The following SCUBE2 variants were observed in gnomAD, a reference collection of about 807,000 sequenced individuals.
SCUBE2 encodes the protein signal peptide, CUB and EGF-like domain-containing protein 2.
Under a neutral mutation model 125.9 loss-of-function variants are expected in SCUBE2, and 114 were observed. That is an observed-to-expected ratio of 0.91 (90% CI 0.78 to 1.06). The LOEUF (loss-of-function observed/expected upper bound fraction) is 1.06. Among genes scored for constraint, SCUBE2 ranks in the 50% least tolerant of loss-of-function variants. The pLI is 0.00. For synonymous variants in SCUBE2, 459 were observed against 492.9 expected, an observed-to-expected ratio of 0.93 and a Z score of 0.91; for missense variants, 1,255 against 1,301.8, an observed-to-expected ratio of 0.96 and a Z score of 0.55.
chr11:9,069,591 G>A, intron 4 of SCUBE2, 96 bp from the exon 5 acceptor site: 4 of 1,471,782 alleles, frequency 2.7e-6, no homozygotes, highest in Non-Finnish European at 3.7e-6. Context: ...CCACAGATCT[G>A]TCTGCTTAGG....
intron 21 of SCUBE2, among the ~76,000 whole-genome samples, chr11:9,023,809 G>C (rs1416195457): frequency 6.6e-6 from 1 of 152,138 alleles, no homozygotes; most frequent in African/African-American, 2.4e-5. Flanking sequence ...TGTGAGGAAA[G>C]CACCATGTAA....
intron 10 of SCUBE2, among the ~76,000 whole-genome samples, chr11:9,054,185 T>G (rs574907381): frequency 1.8e-4 from 28 of 152,012 alleles, no homozygotes; most frequent in African/African-American, 6.3e-4. Context: ...TTAGTAGAGA[T>G]GGGGTTTCAC....
chr11:9,031,249 G>A, intron 17 of SCUBE2: 1 of 194,108 alleles, frequency 5.2e-6, no homozygotes, highest in Non-Finnish European at 1.0e-5. Flanking sequence ...CCCCTGCAAT[G>A]CAGGAGAGAG....
At chr11:9,067,387 C>T (rs1860354167) in intron 5 of SCUBE2, among the ~76,000 whole-genome samples, 1 of 152,178 alleles carries the variant, frequency 6.6e-6, no homozygotes, top group South Asian at 2.1e-4. Context: ...AGAAAAAAAG[C>T]CAACTACAAA....
intron 4 of SCUBE2, among the ~76,000 whole-genome samples, chr11:9,073,905 G>A (rs557275339): frequency 2.0e-5 from 3 of 152,288 alleles, no homozygotes; most frequent in East Asian, 1.9e-4. Context: ...AAGAGTTTCC[G>A]GCAAATTTAC....
chr11:9,079,861 G>T (rs1365755795), intron 2 of SCUBE2, among the ~76,000 whole-genome samples: 1 of 152,034 alleles, frequency 6.6e-6, no homozygotes, highest in Admixed American at 6.5e-5. Context: ...AAAATTAAAA[G>T]AGTATCTGTA....
chr11:9,053,473 G>T (rs3763904), intron 11 of SCUBE2, among the ~76,000 whole-genome samples, 164 bp downstream of exon 11: 117,752 of 152,204 alleles, frequency 0.77, 45,670 homozygotes, highest in South Asian at 0.86. Context: ...CCAAAGATCC[G>T]GCAAAGTATC....
chr11:9,060,350 G>T, intron 8 of SCUBE2, 58 bp downstream of exon 8: 1 of 1,314,938 alleles, frequency 7.6e-7, no homozygotes, highest in Non-Finnish European at 1.1e-6. Flanking sequence ...ATATGTTAGC[G>T]GCATGGGCCC....
At chr11:9,047,921 T>C (rs1296851474) in intron 15 of SCUBE2, 22 bp downstream of exon 15, 14 of 1,595,048 alleles carry the variant, frequency 8.8e-6, no homozygotes, top group Non-Finnish European at 1.2e-5. Flanking sequence ...AGCCTGGCAA[T>C]GCAGACTGTT....
intron 20 of SCUBE2, 167 bp from the exon 21 acceptor site, chr11:9,026,021 T>C (rs573279348): frequency 3.0e-6 from 2 of 677,198 alleles, no homozygotes; most frequent in Non-Finnish European, 4.8e-6. Context: ...ACAGAGTAGA[T>C]TCAGCTGGTA....
intron 2 of SCUBE2, among the ~76,000 whole-genome samples, chr11:9,087,942 TTGTC>T (rs1862251224): frequency 6.6e-6 from 1 of 152,224 alleles, no homozygotes; most frequent in South Asian, 2.1e-4. Context: ...ATTTGTGGGT[TTGTC>T]TGTTTGTTGG....
At chr11:9,047,704 G>T in intron 15 of SCUBE2, 142 bp from the exon 16 acceptor site, 1 of 961,622 alleles carries the variant, frequency 1.0e-6, no homozygotes, top group Non-Finnish European at 1.6e-6. Context: ...CACCTAGCAG[G>T]CTGGGCAGCA....
rs972481175 is a variant in SCUBE2, at chr11:9,091,168, C to T, written c.133+228G>A. ...GAGGCATCCGGACCGGGGCGGGAAC[C>T]GTCAGCAGCTCCGGGTCCGAGGCCG... On this transcript the variant is annotated intron_variant, in intron 1 of 22. Coordinates refer to ENST00000649792, the MANE Select transcript of SCUBE2 (RefSeq NM_001367977.2). The surrounding 1 kb of genome is among the most constrained non-coding windows in gnomAD (Gnocchi z 8.5). Among the ~76,000 whole-genome samples, 2 of 152,150 alleles carry T rather than the reference C, an allele frequency of 1.3e-5. No homozygotes were observed. Among genetic ancestry groups the T allele is most frequent in the East Asian group, 1.9e-4 (1 of 5,164 alleles).
At chr11:9,083,342 G>C (rs1223391014) in intron 2 of SCUBE2, among the ~76,000 whole-genome samples, 1 of 152,188 alleles carries the variant, frequency 6.6e-6, no homozygotes, top group East Asian at 1.9e-4. Context: ...ATGCTTTAAG[G>C]CTAAAAACAA....
intron 18 of SCUBE2, chr11:9,030,470 G>GAGGAGGGCTAGAGATTA (rs1249506138): frequency 6.3e-5 from 28 of 443,412 alleles, no homozygotes; most frequent in Admixed American, 2.3e-4. Flanking sequence ...CACTGAGATG[G>GAGGAGGGCTAGAGATTA]AGGAGGGCTA....
chr11:9,066,114 G>GTGT (rs1223009955), intron 6 of SCUBE2, 134 bp from the exon 7 acceptor site: 1 of 644,450 alleles, frequency 1.6e-6, no homozygotes, highest in Non-Finnish European at 2.7e-6. Flanking sequence ...CAATAAAAAT[G>GTGT]TGTTGTAATG....
At chr11:9,085,682 C>T (rs572510507) in intron 2 of SCUBE2, among the ~76,000 whole-genome samples, 3 of 151,704 alleles carry the variant, frequency 2.0e-5, no homozygotes, top group Non-Finnish European at 2.9e-5. Flanking sequence ...GCCAACATCA[C>T]GCCACTGCAC....
At position 9,030,915 on chromosome 11, in the gene SCUBE2, T is replaced by A; in HGVS notation, c.2184A>T (p.Gln728His). 1.2e-6 allele frequency: 2 copies of A among 1,613,738 alleles called. No individual in the cohort carries two copies. The highest frequency in any genetic ancestry group is 2.7e-5 in the African/African-American group (2 of 75,042). The change falls in exon 18 of 23, where the codon CAA becomes CAT. Residue 728 changes from glutamine (Q) to histidine (H), a missense_variant. This residue lies in a region of SCUBE2 where 515 missense variants were observed against 515.7 expected (regional missense o/e 1.00). Transcript: ENST00000649792. ...WNMSECGGLC[Q>H]PGEYSADGFA... ...AGCCATCTGCAGAATATTCACCAGGTTGACACAGACCTGGAAGGACCAATA... is the reference window on the plus strand; with the variant it reads ...AGCCATCTGCAGAATATTCACCAGGATGACACAGACCTGGAAGGACCAATA...
rs900486195 is a variant in SCUBE2 at position 9,068,271 on chromosome 11, G to C, written c.643+1099C>G. On this transcript the variant is annotated intron_variant, in intron 5 of 22. Transcript: ENST00000649792. ...AAGGGAACTCCTCAGTGCTTCCCCT[G>C]GCATAAATCGTGGTTTAGGAACACC... Among the ~76,000 whole-genome samples, 3 of 152,140 alleles carry C rather than the reference G, an allele frequency of 2.0e-5. No individual in the cohort carries two copies. The East Asian group carries it at 5.8e-4, about 29-fold the overall frequency.
Sources: gnomAD v4.1 joint callset for allele counts (sites outside exome capture counted in the v4.1 genomes callset) on GRCh38, gnomAD v4.1.1 for gene constraint, gnomAD v4.1.1 regional missense constraint, Gnocchi (gnomAD v3.1) non-coding constraint, MANE v1.5 for transcripts, NCBI Gene and HGNC (gene_info 2026-07-23, HGNC 2026-07-21) for gene names.